Variants in PPP2R1A observed in about 807,000 individuals in gnomAD.
PPP2R1A encodes protein phosphatase 2 scaffold subunit Aalpha.
A neutral mutation model predicts 67.1 loss-of-function variants in PPP2R1A; 15 were observed. The ratio of observed to expected loss-of-function variants is 0.22; its 90% CI spans 0.15 to 0.34. The LOEUF (loss-of-function observed/expected upper bound fraction) is 0.34. Ranked by LOEUF, PPP2R1A falls within the 10% of genes least tolerant of loss-of-function variation. PPP2R1A has a pLI of 1.00. For missense variants in PPP2R1A, 369 were observed against 775.0 expected, an observed-to-expected ratio of 0.48 and a Z score of 6.22; for synonymous variants, 337 against 325.0, an observed-to-expected ratio of 1.04 and a Z score of -0.40.
chr19:52,195,382 G>A (rs758601914), intron 1 of PPP2R1A, among the ~76,000 whole-genome samples: 1 of 152,130 alleles, frequency 6.6e-6, no homozygotes, highest in Non-Finnish European at 1.5e-5. Context: ...GAAGACTTCC[G>A]TGACTAAATG....
chr19:52,223,613 G>A (rs1024550485), intron 13 of PPP2R1A, among the ~76,000 whole-genome samples: 2 of 152,184 alleles, frequency 1.3e-5, no homozygotes, highest in Non-Finnish European at 2.9e-5. Context: ...TGACAAGGGT[G>A]TTCAGCATCA....
chr19:52,197,712 G>A (rs1452854501), intron 1 of PPP2R1A, among the ~76,000 whole-genome samples: 1 of 152,040 alleles, frequency 6.6e-6, no homozygotes, highest in Non-Finnish European at 1.5e-5. Context: ...AAAAAACAGA[G>A]CAAATATGAA....
chr19:52,210,357 C>T (rs1568592365), intron 3 of PPP2R1A, among the ~76,000 whole-genome samples: 1 of 152,092 alleles, frequency 6.6e-6, no homozygotes, highest in Non-Finnish European at 1.5e-5. Context: ...CCCCCAGAAA[C>T]ATGAGATCCC....
At chr19:52,192,993 A>G (rs879494113) in intron 1 of PPP2R1A, among the ~76,000 whole-genome samples, 1 of 152,252 alleles carries the variant, frequency 6.6e-6, no homozygotes, top group Non-Finnish European at 1.5e-5. Flanking sequence ...TTTGCAGGGA[A>G]AAAATTGCTG....
At position 52,219,841 on chromosome 19, in the gene PPP2R1A, A is replaced by T; in HGVS notation, c.1279A>T (p.Met427Leu). The T allele has an allele frequency of 6.2e-7, 1 of 1,612,118 alleles. No individual in the cohort carries two copies. The highest frequency in any genetic ancestry group is 8.5e-7 in the Non-Finnish European group (1 of 1,179,800). Residue 427 changes from methionine to leucine, a missense_variant, in exon 10 of 15, where the codon ATG becomes TTG. Coordinates refer to ENST00000322088, the MANE Select transcript of PPP2R1A (RefSeq NM_014225.6). This position sits in a 1 kb window ranked among gnomAD's most constrained non-coding sequence, Gnocchi z 4.0. ...WRVRLAIIEY[M>L]PLLAGQLGVE... ...GGTGCGGCTGGCCATCATTGAGTAC[A>T]TGCCCCTCCTGGCTGGACAGCTGGT...
intron 1 of PPP2R1A, 36 bp from the exon 2 acceptor site, chr19:52,201,908 T>C (rs368340943): frequency 2.1e-5 from 34 of 1,597,804 alleles, no homozygotes; most frequent in Middle Eastern, 1.7e-4. Context: ...CTGGGATTTC[T>C]AACATTCTCC....
At chr19:52,193,790 A>G (rs551496803) in intron 1 of PPP2R1A, among the ~76,000 whole-genome samples, 1 of 151,988 alleles carries the variant, frequency 6.6e-6, no homozygotes, top group African/African-American at 2.4e-5. Flanking sequence ...GGCTGGTCTC[A>G]AACTCCCTGC....
Position 52,219,590 on chromosome 19 carries a change from G to A in PPP2R1A, c.1129-101G>A, listed in dbSNP as rs539396559. ...TGGGCTTGGACAGGAGTAGTCCCTC[G>A]GGAGATGTCCATAAAAGTTGATGCA... On this transcript the variant is annotated intron_variant, in intron 9 of 14. Coordinates refer to ENST00000322088, the MANE Select transcript of PPP2R1A (RefSeq NM_014225.6). This position sits in a 1 kb window ranked among gnomAD's most constrained non-coding sequence, Gnocchi z 4.0. 38 of 1,262,136 alleles carry A rather than the reference G, an allele frequency of 3.0e-5. No individual in the cohort carries two copies. The highest frequency in any genetic ancestry group is 2.0e-4 in the Middle Eastern group (1 of 5,066). The allele number at this position is 1,262,136 out of a possible 1,614,324, so 78.2% of individuals were successfully genotyped here.
chr19:52,201,862 C>CT, intron 1 of PPP2R1A, 82 bp from the exon 2 acceptor site: 1 of 1,316,384 alleles, frequency 7.6e-7, no homozygotes, highest in Non-Finnish European at 1.1e-6. Flanking sequence ...CTTCCAGGGG[C>CT]TGACTGGGTT....
chr19:52,196,893 C>G (rs752109965), intron 1 of PPP2R1A, among the ~76,000 whole-genome samples: 4 of 152,210 alleles, frequency 2.6e-5, no homozygotes, highest in Non-Finnish European at 5.9e-5. Flanking sequence ...ATAAGTGTGA[C>G]CCCCATCCCT....
intron 13 of PPP2R1A, among the ~76,000 whole-genome samples, chr19:52,223,467 A>G (rs1054898594): frequency 1.1e-4 from 17 of 152,182 alleles, no homozygotes; most frequent in African/African-American, 3.6e-4. Context: ...GACTGGAGGA[A>G]GATGTTTTAA....
Position 52,226,212 on chromosome 19 carries a change from G to A in PPP2R1A, c.*231G>A, listed in dbSNP as rs1979253154. 3.2e-6 allele frequency: 2 copies of A among 623,924 alleles called. No homozygotes were observed. The highest frequency in any genetic ancestry group is 5.5e-6 in the Non-Finnish European group (2 of 363,028). 38.6% of individuals were successfully genotyped at this position (623,924 alleles called of 1,614,324 possible). On this transcript the variant is annotated 3_prime_UTR_variant, in exon 15 of 15. Coordinates refer to ENST00000322088, the MANE Select transcript of PPP2R1A (RefSeq NM_014225.6). ...GTTGGACAGGACAGTGACCTTGGGAGGAAGGGGCTACTCCGCCCACGTCAG... is the reference window on the plus strand; with the variant it reads ...GTTGGACAGGACAGTGACCTTGGGAAGAAGGGGCTACTCCGCCCACGTCAG...
At chr19:52,190,274 A>G in intron 1 of PPP2R1A, 100 bp downstream of exon 1, 26 of 1,358,610 alleles carry the variant, frequency 1.9e-5, no homozygotes, top group Non-Finnish European at 2.4e-5. Flanking sequence ...GAGTGGCGGA[A>G]GGGGGCGACG....
In PPP2R1A at chr19:52,205,144, C is replaced by T. The variant is rs145345984; in HGVS notation, c.170-819C>T. The stretch of plus-strand genomic sequence containing the variant: ...TGCAGTCGGCTGCTGGATTGCCATA[C>T]ACCCAACTTAAATGCAGGAGGTTTA... On this transcript the variant is annotated intron_variant, in intron 2 of 14. Coordinates refer to ENST00000322088, the MANE Select transcript of PPP2R1A (RefSeq NM_014225.6). Among the ~76,000 whole-genome samples, 425 of 152,322 alleles carry T rather than the reference C, an allele frequency of 2.8e-3. 1 individual carries two copies. The highest frequency in any genetic ancestry group is 4.5e-3 in the Admixed American group (69 of 15,308).
chr19:52,212,957 C>T lies in PPP2R1A; in HGVS notation c.654C>T (p.Asp218=), dbSNP rs1371810473. Residue 218 remains aspartate (D), a splice_region_variant and synonymous_variant, in exon 6 of 15, where the codon GAC becomes GAT. Coordinates refer to ENST00000322088, the MANE Select transcript of PPP2R1A (RefSeq NM_014225.6). This position sits in a 1 kb window ranked among gnomAD's most constrained non-coding sequence, Gnocchi z 4.1. Reference sequence around the variant, plus strand: ...CACTGTTCCTCTCCTCTCCCTAGGACTCGGTGCGGCTGCTGGCGGTGGAGG... The same window carrying T: ...CACTGTTCCTCTCCTCTCCCTAGGATTCGGTGCGGCTGCTGGCGGTGGAGG... ...MFSNLASDEQ[D]SVRLLAVEAC... 1 of 1,594,482 alleles carries T rather than the reference C, an allele frequency of 6.3e-7. No individual in the cohort carries two copies. Among genetic ancestry groups the T allele is most frequent in the Non-Finnish European group, 8.5e-7 (1 of 1,170,668 alleles).
In PPP2R1A at chr19:52,227,964, G is replaced by A. The variant is rs547868559; in HGVS notation, c.*1983G>A. 2.0e-5 allele frequency: 3 copies of A among 152,316 alleles called. No homozygotes were observed. The highest frequency in any genetic ancestry group is 2.0e-4 in the Admixed American group (3 of 15,300). The allele number at this position is 152,316 out of a possible 1,614,324, so 9.4% of individuals were successfully genotyped here. On this transcript the variant is annotated 3_prime_UTR_variant, in exon 15 of 15. Coordinates refer to ENST00000322088, the MANE Select transcript of PPP2R1A (RefSeq NM_014225.6). ...TCTCGTCCCTGCCCCGACCTGCTCA[G>A]GCAGAGCCTTCATTTTAACAAGATG...
intron 13 of PPP2R1A, 144 bp downstream of exon 13, chr19:52,222,385 G>A: frequency 7.9e-7 from 1 of 1,259,596 alleles, no homozygotes; most frequent in Non-Finnish European, 1.1e-6. Context: ...CCCTTCTCAA[G>A]GTGTGTTTTC....
At chr19:52,208,596 T>C (rs1373486684) in intron 3 of PPP2R1A, among the ~76,000 whole-genome samples, 1 of 152,016 alleles carries the variant, frequency 6.6e-6, no homozygotes, top group Non-Finnish European at 1.5e-5. Flanking sequence ...GCCTCCCGGG[T>C]TCAAGTGATT....
intron 1 of PPP2R1A, chr19:52,190,377 C>T: frequency 1.6e-6 from 1 of 640,312 alleles, no homozygotes. Context: ...GGGCGGGGGC[C>T]AGCGCTAGCC....
Sources: allele counts gnomAD v4.1 joint callset (sites outside exome capture counted in the v4.1 genomes callset), GRCh38; gene constraint gnomAD v4.1.1; non-coding constraint Gnocchi (gnomAD v3.1); transcripts MANE v1.5; gene names NCBI Gene and HGNC (gene_info 2026-07-23, HGNC 2026-07-21).